The following SAMD4A variants were observed in gnomAD, a reference collection of about 807,000 sequenced individuals.
SAMD4A encodes the protein sterile alpha motif domain containing 4A.
SAMD4A carries 33 observed loss-of-function variants against 81.3 expected under a neutral mutation model. The observed-to-expected ratio is 0.41, with a 90% CI of 0.31 to 0.54. The LOEUF is 0.54. Ranked by LOEUF, SAMD4A falls within the 20% of genes least tolerant of loss-of-function variation. The pLI is 0.37. For missense variants in SAMD4A, 854 were observed against 951.1 expected (o/e 0.90, Z 1.34); for synonymous variants, 389 against 382.1 (o/e 1.02, Z -0.21).
intron 4 of SAMD4A, among the ~76,000 whole-genome samples, chr14:54,745,178 T>A (rs2037937038): frequency 6.6e-6 from 1 of 152,238 alleles, no homozygotes; most frequent in African/African-American, 2.4e-5. Context: ...ATTGCCTTTC[T>A]AGCACACTCA....
At chr14:54,664,559 ACTTCCTCCCTCTCTCCCCACTTCCTTCT>A (rs1307915734) in intron 2 of SAMD4A, among the ~76,000 whole-genome samples, 1 of 151,840 alleles carries the variant, frequency 6.6e-6, no homozygotes, top group Non-Finnish European at 1.5e-5. Context: ...TCACAAATGC[ACTTCCTCCCTCTCTCCCCACTTCCTTCT>A]CTTCCTCCTG....
intron 2 of SAMD4A, among the ~76,000 whole-genome samples, chr14:54,601,761 A>G (rs2034058523): frequency 6.6e-6 from 1 of 152,182 alleles, no homozygotes; most frequent in Non-Finnish European, 1.5e-5. Context: ...GTCTGTGTGT[A>G]AAGAATTGCT....
At position 54,616,267 on chromosome 14, in the gene SAMD4A, G is replaced by A. The variant is rs143229168; in HGVS notation, c.196+48155G>A. On this transcript the variant is annotated intron_variant, in intron 2 of 12. Coordinates refer to ENST00000554335, the MANE Select transcript of SAMD4A (RefSeq NM_015589.6). ...TAACCCCACACTTTCTTATATTCTA[G>A]GGGGAAATACCTTTCTATAACTATT... Among the ~76,000 whole-genome samples the A allele has an allele frequency of 2.6e-5, 4 of 152,216 alleles. No homozygotes were observed. In the East Asian group the frequency reaches 5.8e-4, roughly 22 times the overall value.
chr14:54,672,038 T>C (rs2035894827), intron 2 of SAMD4A, among the ~76,000 whole-genome samples: 1 of 121,976 alleles, frequency 8.2e-6, no homozygotes, highest in African/African-American at 2.9e-5. Flanking sequence ...TTTTTTTTTT[T>C]TCTTCAGGGT....
chr14:54,726,358 A>C (rs1425354973), intron 3 of SAMD4A, among the ~76,000 whole-genome samples: 3 of 152,138 alleles, frequency 2.0e-5, no homozygotes, highest in Non-Finnish European at 4.4e-5. Context: ...TCAAAATATC[A>C]TTTACTTTAT....
At chr14:54,771,664 T>C (rs1204341926) in intron 9 of SAMD4A, among the ~76,000 whole-genome samples, 1 of 152,220 alleles carries the variant, frequency 6.6e-6, no homozygotes. Context: ...CCAAGTGGCT[T>C]TTCTCTGAGA....
intron 2 of SAMD4A, among the ~76,000 whole-genome samples, chr14:54,675,546 A>C (rs906839181): frequency 6.6e-6 from 1 of 152,246 alleles, no homozygotes; most frequent in African/African-American, 2.4e-5. Flanking sequence ...ACAATGTTGC[A>C]GCAGGGGAGA....
chr14:54,785,040 C>T (rs1347143764), intron 12 of SAMD4A, among the ~76,000 whole-genome samples: 1 of 152,360 alleles, frequency 6.6e-6, no homozygotes, highest in South Asian at 2.1e-4. Context: ...ACTAGATCCC[C>T]CAGCCTGGTC....
chr14:54,639,529 G>A lies in SAMD4A; in HGVS notation c.197-62533G>A, dbSNP rs564646720. On this transcript the variant is annotated intron_variant, in intron 2 of 12. Transcript: ENST00000554335. ...AGTGGGGGCCACTCCTCACAGCCACGAGCAGCTGGGCCACATGCAGCACTG... is the reference window on the plus strand; with the variant it reads ...AGTGGGGGCCACTCCTCACAGCCACAAGCAGCTGGGCCACATGCAGCACTG... 5.5e-4 allele frequency among the ~76,000 whole-genome samples: 84 copies of A among 152,326 alleles called. 2 individuals are homozygous for A. The highest frequency in any genetic ancestry group is 4.1e-4 in the South Asian group (2 of 4,830).
intron 2 of SAMD4A, among the ~76,000 whole-genome samples, chr14:54,594,776 A>G (rs1022839734): frequency 6.6e-6 from 1 of 152,256 alleles, no homozygotes; most frequent in Non-Finnish European, 1.5e-5. Flanking sequence ...CAGACATACT[A>G]ACATATCAGC....
chr14:54,789,032 C>G lies in SAMD4A; in HGVS notation c.*88C>G. ...CATCTTCAGGGTTGCACAGAATCCT[C>G]CAAGATACTTTGCAGCCTTTTTTCC... is the stretch of plus-strand genomic sequence containing the variant. On this transcript the variant is annotated 3_prime_UTR_variant, in exon 13 of 13. Transcript: ENST00000554335. 1 of 1,455,054 alleles carries G rather than the reference C, an allele frequency of 6.9e-7. No homozygotes were observed. The highest frequency in any genetic ancestry group is 9.7e-7 in the Non-Finnish European group (1 of 1,035,988). The allele number at this position is 1,455,054 out of a possible 1,614,324, so 90.1% of individuals were successfully genotyped here.
chr14:54,584,290 T>C (rs181879036), intron 2 of SAMD4A, among the ~76,000 whole-genome samples: 29 of 152,316 alleles, frequency 1.9e-4, no homozygotes, highest in African/African-American at 7.0e-4. Context: ...TGTTGAGGTT[T>C]GGGTTGAGGA....
intron 8 of SAMD4A, among the ~76,000 whole-genome samples, chr14:54,766,281 A>G (rs2038540992): frequency 6.6e-6 from 1 of 152,190 alleles, no homozygotes. Context: ...GCAAGAACAC[A>G]GTGAAGAATG....
At chr14:54,774,806 C>G in intron 9 of SAMD4A, 128 bp from the exon 10 acceptor site, 2 of 843,448 alleles carry the variant, frequency 2.4e-6, no homozygotes, top group Admixed American at 2.9e-5. Flanking sequence ...AGAGTGAGAC[C>G]CTGACTCAAA....
rs562302212 is a variant in SAMD4A, at chr14:54,717,319, G to A, written c.715+14739G>A. Among the ~76,000 whole-genome samples the A allele has an allele frequency of 4.1e-4, 63 of 151,868 alleles. 1 individual carries two copies. In the South Asian group the frequency reaches 0.013, roughly 31 times the overall value. On this transcript the variant is annotated intron_variant, in intron 3 of 12. Coordinates refer to ENST00000554335, the MANE Select transcript of SAMD4A (RefSeq NM_015589.6). ...TAGCCAGGTGTGATGGCTTACACCTGTGGTCCCAGCTCCTTGGGAGGCTGA... is the reference window on the plus strand; with the variant it reads ...TAGCCAGGTGTGATGGCTTACACCTATGGTCCCAGCTCCTTGGGAGGCTGA...
At chr14:54,582,339 T>A (rs2033492207) in intron 2 of SAMD4A, among the ~76,000 whole-genome samples, 1 of 152,072 alleles carries the variant, frequency 6.6e-6, no homozygotes. Flanking sequence ...AGGAGGTGCT[T>A]GGGTATTTTG....
chr14:54,682,666 G>A (rs527701896), intron 2 of SAMD4A, among the ~76,000 whole-genome samples: 1 of 152,232 alleles, frequency 6.6e-6, no homozygotes, highest in South Asian at 2.1e-4. Flanking sequence ...CAAGGTGTTC[G>A]CTCTGGATCT....
intron 2 of SAMD4A, among the ~76,000 whole-genome samples, chr14:54,634,500 T>C (rs916240607): frequency 2.0e-5 from 3 of 151,990 alleles, no homozygotes; most frequent in African/African-American, 7.3e-5. Context: ...TGGGGGTTGG[T>C]CATAAGGAGT....
intron 11 of SAMD4A, among the ~76,000 whole-genome samples, chr14:54,781,771 G>A (rs546095169): frequency 2.6e-5 from 4 of 152,344 alleles, no homozygotes; most frequent in African/African-American, 4.8e-5. Context: ...AGAGCTGCCC[G>A]AATGCCCCTC....
Sources: gnomAD v4.1 joint callset for allele counts (sites outside exome capture counted in the v4.1 genomes callset) on GRCh38, gnomAD v4.1.1 for gene constraint, MANE v1.5 for transcripts, NCBI Gene and HGNC (gene_info 2026-07-23, HGNC 2026-07-21) for gene names.